ARID4A: variants seen among roughly 807,000 people sequenced by gnomAD.
ARID4A encodes AT-rich interactive domain-containing protein 4A.
ARID4A carries 39 observed loss-of-function variants against 148.6 expected under a neutral mutation model. The observed-to-expected ratio is 0.26, with a 90% confidence interval of 0.20 to 0.34. ARID4A has a LOEUF of 0.34. Among genes scored for constraint, ARID4A ranks in the 10% least tolerant of loss-of-function variants. The pLI, the probability that ARID4A is intolerant of heterozygous loss-of-function variation, is 1.00. For synonymous variants in ARID4A, 475 were observed against 481.2 expected, an observed-to-expected ratio of 0.99 and a Z score of 0.17; for missense variants, 1,265 against 1,449.1, an observed-to-expected ratio of 0.87 and a Z score of 2.06.
chr14:58,327,363 A>G lies in ARID4A; in HGVS notation c.583-874A>G, dbSNP rs572318576. ...CAGCTTTTAAAAAATATAAAGTTCT[A>G]TAAAGGATACAGAGAGTATTTACCA... On this transcript the variant is annotated intron_variant, in intron 8 of 23. Transcript: ENST00000355431. Among the ~76,000 whole-genome samples the G allele has an allele frequency of 6.6e-5, 10 of 152,352 alleles. No individual in the cohort carries two copies. The East Asian group carries it at 1.5e-3, about 23-fold the overall frequency.
Position 58,300,475 on chromosome 14 carries a change from A to T in ARID4A, c.6+615A>T, listed in dbSNP as rs547708808. Among the ~76,000 whole-genome samples, 6 of 152,302 alleles carry T rather than the reference A, an allele frequency of 3.9e-5. 1 individual carries two copies. The East Asian group carries it at 1.2e-3, about 29-fold the overall frequency. ...CGTTCTTGAATGCTGTGGCCATTGA[A>T]TGTTTCAGGTCAGATTTTTGTTTGC... On this transcript the variant is annotated intron_variant, in intron 2 of 23. Transcript: ENST00000355431.
intron 3 of ARID4A, among the ~76,000 whole-genome samples, chr14:58,302,699 A>C (rs1209678430): frequency 6.6e-6 from 1 of 152,150 alleles, no homozygotes; most frequent in Admixed American, 6.5e-5. Flanking sequence ...TCACACCTGC[A>C]GTCCCAGCAC....
At chr14:58,369,044 T>TA (rs1286375402) in intron 23 of ARID4A, among the ~76,000 whole-genome samples, 2 of 151,814 alleles carry the variant, frequency 1.3e-5, no homozygotes, top group South Asian at 4.2e-4. Context: ...AGCAGGAATT[T>TA]AAAAAAAATA....
chr14:58,340,780 C>T (rs999997033), intron 11 of ARID4A, among the ~76,000 whole-genome samples: 4 of 152,292 alleles, frequency 2.6e-5, no homozygotes, highest in South Asian at 4.1e-4. Context: ...CCACCGTGCC[C>T]GGCCCCACCT....
intron 3 of ARID4A, 102 bp downstream of exon 3, chr14:58,301,792 A>G: frequency 1.4e-6 from 1 of 728,750 alleles, no homozygotes; most frequent in Non-Finnish European, 2.2e-6. Flanking sequence ...TTATATGAAA[A>G]CCCTTTATAT....
intron 9 of ARID4A, among the ~76,000 whole-genome samples, chr14:58,329,131 A>C (rs899769214): frequency 1.3e-5 from 2 of 152,198 alleles, no homozygotes; most frequent in African/African-American, 4.8e-5. Context: ...TTTTATAGTG[A>C]TAAAAATATT....
At chr14:58,343,689 G>A (rs1050124306) in intron 11 of ARID4A, among the ~76,000 whole-genome samples, 4 of 152,086 alleles carry the variant, frequency 2.6e-5, no homozygotes, top group Non-Finnish European at 4.4e-5. Flanking sequence ...AATTAGCCAG[G>A]TGTAGTGGCA....
At chr14:58,338,042 G>C (rs1220710352) in intron 11 of ARID4A, among the ~76,000 whole-genome samples, 1 of 152,160 alleles carries the variant, frequency 6.6e-6, no homozygotes, top group Non-Finnish European at 1.5e-5. Context: ...AGGTGCTGTT[G>C]AGCTGTAAGA....
At position 58,367,049 on chromosome 14, in the gene ARID4A, T is replaced by G; in HGVS notation, c.3670+20T>G. Reference sequence around the variant, plus strand: ...GGGAAGGTAATTTTATTATGATTTTTCTCCCCTTATATTTCAAAACTATAT... The same window carrying G: ...GGGAAGGTAATTTTATTATGATTTTGCTCCCCTTATATTTCAAAACTATAT... On this transcript the variant is annotated intron_variant, in intron 23 of 23. Coordinates refer to ENST00000355431, the MANE Select transcript of ARID4A (RefSeq NM_002892.4). 7.0e-7 allele frequency: 1 copy of G among 1,431,340 alleles called. No individual in the cohort carries two copies. The highest frequency in any genetic ancestry group is 9.2e-7 in the Non-Finnish European group (1 of 1,090,394). The allele number at this position is 1,431,340 out of a possible 1,614,324, so 88.7% of individuals were successfully genotyped here.
chr14:58,335,230 T>C lies in ARID4A; in HGVS notation c.906+5061T>C, dbSNP rs370276821. ...GGCCTACTTCCTATCTAAAATGATA[T>C]AATGACTTGATATCTATATGTACAT... On this transcript the variant is annotated intron_variant, in intron 11 of 23. Coordinates refer to ENST00000355431, the MANE Select transcript of ARID4A (RefSeq NM_002892.4). Among the ~76,000 whole-genome samples, 6 of 152,270 alleles carry C rather than the reference T, an allele frequency of 3.9e-5. 1 individual carries two copies. The highest frequency in any genetic ancestry group is 1.9e-4 in the East Asian group (1 of 5,186).
Position 58,323,466 on chromosome 14 carries a change from A to G in ARID4A, c.450-19A>G. 1.3e-6 allele frequency: 2 copies of G among 1,598,086 alleles called. No individual in the cohort carries two copies. Among genetic ancestry groups the G allele is most frequent in the Non-Finnish European group, 1.7e-6 (2 of 1,165,626 alleles). On this transcript the variant is annotated intron_variant, in intron 7 of 23. Transcript: ENST00000355431. ...AATTGTTTGTGTTAGGATAATGATC[A>G]AGTTATTCTAACTTTTAGTACTGAA...
chr14:58,316,470 C>T (rs1157952613), intron 5 of ARID4A, among the ~76,000 whole-genome samples: 3 of 152,118 alleles, frequency 2.0e-5, no homozygotes, highest in African/African-American at 7.2e-5. Flanking sequence ...TAAACCTATA[C>T]AATTATCAAA....
chr14:58,314,360 G>T (rs2032262620), intron 5 of ARID4A, among the ~76,000 whole-genome samples: 1 of 152,150 alleles, frequency 6.6e-6, no homozygotes, highest in African/African-American at 2.4e-5. Context: ...CTTTTAGATG[G>T]AGCTTCTTCA....
intron 5 of ARID4A, among the ~76,000 whole-genome samples, chr14:58,316,294 C>CATATG (rs202014993): frequency 0.017 from 2,570 of 152,182 alleles, 66 homozygotes; most frequent in African/African-American, 0.059. Context: ...TTTTTGGGTA[C>CATATG]ATATGTATGC....
Position 58,299,872 on chromosome 14 carries a change from C to A in ARID4A, c.6+12C>A. 1 of 1,614,208 alleles carries A rather than the reference C, an allele frequency of 6.2e-7. No homozygotes were observed. The highest frequency in any genetic ancestry group is 8.5e-7 in the Non-Finnish European group (1 of 1,180,020). On this transcript the variant is annotated intron_variant, in intron 2 of 23. Coordinates refer to ENST00000355431, the MANE Select transcript of ARID4A (RefSeq NM_002892.4). Reference sequence around the variant, plus strand: ...CAACAAAAATGAAGGTAAGTGGAGTCAACTCTGCCCCGATCCTCGCGCCCT... The same window carrying A: ...CAACAAAAATGAAGGTAAGTGGAGTAAACTCTGCCCCGATCCTCGCGCCCT...
In ARID4A at chr14:58,364,620, A is replaced by G; in HGVS notation, c.2531A>G (p.Asp844Gly). 1 of 1,613,840 alleles carries G rather than the reference A, an allele frequency of 6.2e-7. No individual in the cohort carries two copies. The highest frequency in any genetic ancestry group is 1.1e-5 in the South Asian group (1 of 91,022). ...AAAAACTTTTCTTCTGCTACAGAAG[A>G]TGAAATTGACCAATGTGTGAAAGAA... ...DNKNFSSATE[D>G]EIDQCVKEKK... Residue 844 changes from aspartate to glycine, a missense_variant, in exon 20 of 24, where the codon GAT becomes GGT. This residue lies in a region of ARID4A where 666 missense variants were observed against 730.9 expected (regional missense o/e 0.91). Coordinates refer to ENST00000355431, the MANE Select transcript of ARID4A (RefSeq NM_002892.4).
At chr14:58,359,918 T>C (rs917720456) in intron 18 of ARID4A, among the ~76,000 whole-genome samples, 3 of 152,008 alleles carry the variant, frequency 2.0e-5, no homozygotes, top group African/African-American at 4.8e-5. Flanking sequence ...TAGAAAAAAT[T>C]AGCCGGTCGT....
chr14:58,311,710 A>G (rs1008129779), intron 5 of ARID4A, among the ~76,000 whole-genome samples: 1 of 152,228 alleles, frequency 6.6e-6, no homozygotes, highest in African/African-American at 2.4e-5. Context: ...AGATGAATGT[A>G]TAAAGAAAAT....
intron 3 of ARID4A, chr14:58,303,514 A>G (rs1369584322): frequency 6.4e-6 from 3 of 470,838 alleles, no homozygotes; most frequent in South Asian, 4.6e-5. Flanking sequence ...TTATTCACTT[A>G]TATATCTGAT....
Sources: gnomAD v4.1 joint callset for allele counts (sites outside exome capture counted in the v4.1 genomes callset) on GRCh38, gnomAD v4.1.1 for gene constraint, gnomAD v4.1.1 regional missense constraint, MANE v1.5 for transcripts, NCBI Gene and HGNC (gene_info 2026-07-23, HGNC 2026-07-21) for gene names.